Variants in LRP1B observed in about 807,000 individuals in gnomAD.
LRP1B encodes low-density lipoprotein receptor-related protein 1B.
In LRP1B, 217 loss-of-function variants were observed where a neutral mutation model predicts 556.6. The ratio of observed to expected loss-of-function variants is 0.39; its 90% CI spans 0.35 to 0.44. LRP1B has a LOEUF of 0.44. LRP1B is among the 20% of genes least tolerant of loss of function. The pLI is 1.00. For missense variants in LRP1B, 5,053 were observed against 5,620.8 expected (o/e 0.90, Z 3.23); for synonymous variants, 2,047 against 1,865.8 (o/e 1.10, Z -2.50).
chr2:140,648,293 G>T (rs902033085), intron 41 of LRP1B, among the ~76,000 whole-genome samples: 3 of 151,940 alleles, frequency 2.0e-5, no homozygotes, highest in Non-Finnish European at 2.9e-5. Context: ...ATGTGGTGGG[G>T]TGGGGGAGTG....
intron 2 of LRP1B, among the ~76,000 whole-genome samples, chr2:141,690,526 T>G (rs1356311443): frequency 6.8e-6 from 1 of 147,990 alleles, no homozygotes; most frequent in East Asian, 2.0e-4. Flanking sequence ...CTGGTTCATA[T>G]AGAAGATGAT....
At chr2:141,380,589 C>T (rs553271789) in intron 3 of LRP1B, among the ~76,000 whole-genome samples, 2 of 152,272 alleles carry the variant, frequency 1.3e-5, no homozygotes, top group East Asian at 3.9e-4. Context: ...ATTCATTAGG[C>T]CTCTAGGTGC....
chr2:141,371,755 A>G (rs1345760837), intron 3 of LRP1B, among the ~76,000 whole-genome samples: 1 of 152,122 alleles, frequency 6.6e-6, no homozygotes, highest in African/African-American at 2.4e-5. Context: ...ATCACATCTA[A>G]GATTTTTTTT....
At chr2:142,005,745 C>T (rs564198669) in intron 1 of LRP1B, among the ~76,000 whole-genome samples, 22 of 151,560 alleles carry the variant, frequency 1.5e-4, no homozygotes, top group Admixed American at 1.4e-3. Context: ...ATATGAAAAG[C>T]CTAATCTTAT....
In LRP1B at chr2:141,971,675, T is replaced by C. The variant is rs542570767; in HGVS notation, c.82+158973A>G. Among the ~76,000 whole-genome samples the C allele has an allele frequency of 2.6e-5, 4 of 151,664 alleles. No homozygotes were observed. The South Asian group carries it at 8.3e-4, about 31-fold the overall frequency. On this transcript the variant is annotated intron_variant, in intron 1 of 90. Transcript: ENST00000389484. ...ATAAGGCATCAGTGAAAGATGTTGATAGAACCTAGCATCAAGTTACCAGTA... is the reference window on the plus strand; with the variant it reads ...ATAAGGCATCAGTGAAAGATGTTGACAGAACCTAGCATCAAGTTACCAGTA...
rs533479818 is a variant in LRP1B, at chr2:140,231,618, C to T, written c.*1568G>A. The T allele has an allele frequency of 6.6e-6, 1 of 151,790 alleles. No homozygotes were observed. The highest frequency in any genetic ancestry group is 2.1e-4 in the South Asian group (1 of 4,820). 9.4% of individuals were successfully genotyped at this position (151,790 alleles called of 1,614,324 possible). A position where few individuals can be genotyped will look rare whatever the true frequency, so the allele number is the denominator to read the frequency against. On this transcript the variant is annotated 3_prime_UTR_variant, in exon 91 of 91. Transcript: ENST00000389484. ...ATAACATTGTTCAAGCAAAATTGCA[C>T]TAGTATTACATAAATCAATAGTTTA... is the stretch of plus-strand genomic sequence containing the variant.
chr2:141,206,588 A>G (rs2105239078), intron 6 of LRP1B, among the ~76,000 whole-genome samples: 1 of 150,344 alleles, frequency 6.7e-6, no homozygotes, highest in Middle Eastern at 3.4e-3. Context: ...CTCCGTCTCA[A>G]AAAAAAAATA....
intron 31 of LRP1B, among the ~76,000 whole-genome samples, chr2:140,824,565 G>A (rs2105061282): frequency 6.6e-6 from 1 of 152,178 alleles, no homozygotes; most frequent in Non-Finnish European, 1.5e-5. Context: ...AGAAAATTTA[G>A]AAGTGTAACA....
At chr2:140,989,484 A>G (rs1558785225) in intron 17 of LRP1B, 48 bp downstream of exon 17, 1 of 1,605,424 alleles carries the variant, frequency 6.2e-7, no homozygotes, top group Non-Finnish European at 8.5e-7. Context: ...ATTTTTATTA[A>G]GACTAACTTT....
At position 140,714,534 on chromosome 2, in the gene LRP1B, T is replaced by C. The variant is rs550670796; in HGVS notation, c.6023+1439A>G. Among the ~76,000 whole-genome samples the C allele has an allele frequency of 1.1e-4, 16 of 152,280 alleles. No homozygotes were observed. The South Asian group carries it at 3.3e-3, about 32-fold the overall frequency. On this transcript the variant is annotated intron_variant, in intron 37 of 90. Coordinates refer to ENST00000389484, the MANE Select transcript of LRP1B (RefSeq NM_018557.3). ...GCAAAAGGCTTGTTAAATTAAGCTG[T>C]ATGAATCTATAATAGGGTAGACACA...
chr2:141,039,103 C>A (rs183716186), intron 11 of LRP1B, among the ~76,000 whole-genome samples: 2 of 152,072 alleles, frequency 1.3e-5, no homozygotes, highest in East Asian at 3.9e-4. Flanking sequence ...CATTTTGAAA[C>A]CTTGCACTGT....
At chr2:141,168,217 C>T (rs1383149798) in intron 7 of LRP1B, among the ~76,000 whole-genome samples, 2 of 151,902 alleles carry the variant, frequency 1.3e-5, no homozygotes, top group African/African-American at 2.4e-5. Context: ...TCAGCAATTG[C>T]CATTAAAAAT....
chr2:140,943,481 T>A (rs1695458037), intron 20 of LRP1B, among the ~76,000 whole-genome samples: 1 of 152,034 alleles, frequency 6.6e-6, no homozygotes. Flanking sequence ...ACTCTTCTCA[T>A]CTGCAGTCAA....
chr2:141,194,160 A>C (rs1681646906), intron 6 of LRP1B, among the ~76,000 whole-genome samples: 1 of 152,066 alleles, frequency 6.6e-6, no homozygotes, highest in South Asian at 2.1e-4. Flanking sequence ...TTCTACTTTG[A>C]AACAGTTTTG....
At chr2:141,700,951 G>T (rs77094757) in intron 2 of LRP1B, among the ~76,000 whole-genome samples, 1,966 of 151,928 alleles carry the variant, frequency 0.013, 116 homozygotes, top group Admixed American at 0.098. Flanking sequence ...GGCATCAGCA[G>T]CTAGGTTTGA....
At chr2:141,267,215 TG>T (rs1435706562) in intron 3 of LRP1B, among the ~76,000 whole-genome samples, 1 of 152,180 alleles carries the variant, frequency 6.6e-6, no homozygotes, top group African/African-American at 2.4e-5. Flanking sequence ...TAAGACACAA[TG>T]GTAGCTCAAA....
At chr2:141,887,185 G>C (rs183901505) in intron 1 of LRP1B, among the ~76,000 whole-genome samples, 1 of 151,880 alleles carries the variant, frequency 6.6e-6, no homozygotes, top group Admixed American at 6.6e-5. Flanking sequence ...TAGTAGAAAG[G>C]GGGTTTCACA....
At chr2:140,325,588 A>G (rs983694520) in intron 80 of LRP1B, among the ~76,000 whole-genome samples, 174 bp downstream of exon 80, 5 of 152,082 alleles carry the variant, frequency 3.3e-5, no homozygotes, top group Admixed American at 2.6e-4. Flanking sequence ...CCTGGCCTCT[A>G]TTTTTTTCCA....
At chr2:140,300,480 T>C (rs1286939220) in intron 83 of LRP1B, among the ~76,000 whole-genome samples, 3 of 152,128 alleles carry the variant, frequency 2.0e-5, no homozygotes, top group Non-Finnish European at 4.4e-5. Context: ...ATGATTAAGG[T>C]ATAGATTTAT....
Sources: allele counts gnomAD v4.1 joint callset (sites outside exome capture counted in the v4.1 genomes callset), GRCh38; gene constraint gnomAD v4.1.1; transcripts MANE v1.5; gene names NCBI Gene and HGNC (gene_info 2026-07-23, HGNC 2026-07-21).